HPSE2: variants seen among roughly 807,000 people sequenced by gnomAD.
HPSE2 encodes the protein inactive heparanase-2.
Under a neutral mutation model 60.5 loss-of-function variants are expected in HPSE2, and 38 were observed. The ratio of observed to expected loss-of-function variants is 0.63; its 90% CI spans 0.48 to 0.82. The LOEUF is 0.82. Ranked by LOEUF, HPSE2 falls within the 40% of genes least tolerant of loss-of-function variation. The pLI is 0.00. For synonymous variants in HPSE2, 295 were observed against 293.2 expected (o/e 1.01, Z -0.06); for missense variants, 713 against 740.4 (o/e 0.96, Z 0.43).
intron 3 of HPSE2, among the ~76,000 whole-genome samples, chr10:99,101,500 A>T (rs1408848404): frequency 6.6e-6 from 1 of 152,198 alleles, no homozygotes; most frequent in Non-Finnish European, 1.5e-5. Flanking sequence ...AAGTCCTTAG[A>T]GACCTACAAA....
chr10:99,264,577 G>A, the HPSE2 span, among the ~76,000 whole-genome samples: 1 of 152,124 alleles, frequency 6.6e-6, no homozygotes, highest in Admixed American at 6.5e-5. Flanking sequence ...AAACTCAAGG[G>A]TGGAGCCCAA....
intron 3 of HPSE2, among the ~76,000 whole-genome samples, chr10:98,804,748 A>G (rs868409707): frequency 1.7e-4 from 26 of 152,322 alleles, no homozygotes; most frequent in African/African-American, 4.8e-4. Flanking sequence ...CTAAAAATAG[A>G]GCTACTATAG....
At chr10:99,028,766 T>C (rs1421005839) in intron 3 of HPSE2, among the ~76,000 whole-genome samples, 1 of 151,924 alleles carries the variant, frequency 6.6e-6, no homozygotes, top group Non-Finnish European at 1.5e-5. Flanking sequence ...AAAACAGCAA[T>C]ATACTATCAT....
intron 9 of HPSE2, among the ~76,000 whole-genome samples, chr10:98,613,697 C>G (rs752453830): frequency 2.0e-5 from 3 of 152,190 alleles, no homozygotes; most frequent in Non-Finnish European, 2.9e-5. Flanking sequence ...AGCACTGAAC[C>G]AAGGCACAGG....
At chr10:98,684,200 T>C (rs942794088) in intron 6 of HPSE2, among the ~76,000 whole-genome samples, 1 of 151,982 alleles carries the variant, frequency 6.6e-6, no homozygotes, top group African/African-American at 2.4e-5. Flanking sequence ...AGGATAATGG[T>C]GAAGGGCACT....
chr10:98,682,529 T>C (rs1308032547), intron 6 of HPSE2, among the ~76,000 whole-genome samples: 1 of 152,134 alleles, frequency 6.6e-6, no homozygotes, highest in Non-Finnish European at 1.5e-5. Context: ...TACAGAGTAT[T>C]GGTTGCTTAC....
At chr10:99,167,507 T>G (rs192909639) in intron 2 of HPSE2, among the ~76,000 whole-genome samples, 105 of 152,346 alleles carry the variant, frequency 6.9e-4, no homozygotes, top group African/African-American at 2.4e-3. Context: ...TCTAGTCTCA[T>G]TTGTTGAAAA....
chr10:99,069,656 A>C (rs1842724748), intron 3 of HPSE2, among the ~76,000 whole-genome samples: 1 of 151,266 alleles, frequency 6.6e-6, no homozygotes, highest in African/African-American at 2.4e-5. Context: ...CACAGTTGTG[A>C]GTGATGTTAC....
chr10:99,079,541 G>C (rs78003428), intron 3 of HPSE2, among the ~76,000 whole-genome samples: 3,104 of 152,256 alleles, frequency 0.02, 46 homozygotes, highest in Middle Eastern at 0.041. Flanking sequence ...ACTCTGTGCT[G>C]AGCTGGGATT....
the HPSE2 span, among the ~76,000 whole-genome samples, chr10:99,272,495 A>C: frequency 1.1e-4 from 16 of 152,330 alleles, no homozygotes; most frequent in African/African-American, 3.8e-4. Flanking sequence ...GACAGCCCAC[A>C]GAGTGGGAGA....
intron 3 of HPSE2, among the ~76,000 whole-genome samples, chr10:98,826,112 T>A (rs837724): frequency 0.11 from 16,352 of 152,234 alleles, 2,173 homozygotes; most frequent in African/African-American, 0.31. Flanking sequence ...ATTTTTATGT[T>A]TTTATTTCCC....
At chr10:98,828,418 G>A (rs1448197348) in intron 3 of HPSE2, among the ~76,000 whole-genome samples, 1 of 152,094 alleles carries the variant, frequency 6.6e-6, no homozygotes. Context: ...CTGATTCCTG[G>A]TACCAATTAT....
At chr10:99,179,954 C>T (rs904151687) in intron 2 of HPSE2, among the ~76,000 whole-genome samples, 4 of 152,070 alleles carry the variant, frequency 2.6e-5, no homozygotes, top group African/African-American at 9.7e-5. Flanking sequence ...AGAAATAATG[C>T]CACACATCTA....
chr10:99,273,213 G>A, the HPSE2 span, among the ~76,000 whole-genome samples: 36 of 152,302 alleles, frequency 2.4e-4, no homozygotes, highest in African/African-American at 7.2e-4. Context: ...TGGGAGCTAA[G>A]TTGTGAGGAT....
At chr10:98,560,032 C>T (rs1255306150) in intron 9 of HPSE2, among the ~76,000 whole-genome samples, 1 of 152,102 alleles carries the variant, frequency 6.6e-6, no homozygotes, top group African/African-American at 2.4e-5. Flanking sequence ...CATGGAGAGT[C>T]ATGGAGGCCT....
chr10:98,579,516 G>A (rs1001182714), intron 9 of HPSE2, among the ~76,000 whole-genome samples: 3 of 152,122 alleles, frequency 2.0e-5, no homozygotes, highest in Non-Finnish European at 2.9e-5. Context: ...TCAGGGAGCC[G>A]GCAGGCACTC....
chr10:99,175,897 C>A (rs1324154522), intron 2 of HPSE2, among the ~76,000 whole-genome samples: 2 of 152,160 alleles, frequency 1.3e-5, no homozygotes, highest in African/African-American at 2.4e-5. Flanking sequence ...GGCAGGTGTC[C>A]CCCTGGAATG....
chr10:99,149,200 G>A (rs1415723528), intron 2 of HPSE2, among the ~76,000 whole-genome samples: 3 of 152,062 alleles, frequency 2.0e-5, no homozygotes, highest in African/African-American at 7.2e-5. Flanking sequence ...AGTTCCACGT[G>A]AGAAAACTTT....
intron 7 of HPSE2, among the ~76,000 whole-genome samples, chr10:98,630,990 G>A (rs1946353182): frequency 6.6e-6 from 1 of 152,148 alleles, no homozygotes; most frequent in African/African-American, 2.4e-5. Flanking sequence ...GACAAGCTGG[G>A]CTATTCTGAG....
Sources: gnomAD v4.1 joint callset for allele counts (sites outside exome capture counted in the v4.1 genomes callset) on GRCh38, gnomAD v4.1.1 for gene constraint, MANE v1.5 for transcripts, NCBI Gene and HGNC (gene_info 2026-07-23, HGNC 2026-07-21) for gene names.